The following OLA1 variants were observed in gnomAD, a reference collection of about 807,000 sequenced individuals.
The protein encoded by OLA1 is Obg like ATPase 1.
Under a neutral mutation model 48.4 loss-of-function variants are expected in OLA1, and 14 were observed. The observed-to-expected ratio is 0.29, with a 90% CI of 0.19 to 0.45. The LOEUF is 0.45. Ranked by LOEUF, OLA1 falls within the 20% of genes least tolerant of loss-of-function variation. OLA1 has a pLI of 1.00. For synonymous variants in OLA1, 127 were observed against 150.4 expected (o/e 0.84, Z 1.14); for missense variants, 325 against 467.1 (o/e 0.70, Z 2.80).
At chr2:174,082,094 T>C (rs1006768369) in intron 7 of OLA1, 30 bp from the exon 8 acceptor site, 4 of 1,609,412 alleles carry the variant, frequency 2.5e-6, no homozygotes, top group Non-Finnish European at 3.4e-6. Flanking sequence ...CAACATTATC[T>C]TGTAGTGCAT....
intron 7 of OLA1, among the ~76,000 whole-genome samples, chr2:174,096,782 G>A (rs1319418262): frequency 2.0e-5 from 3 of 152,196 alleles, no homozygotes; most frequent in African/African-American, 7.2e-5. Context: ...TGCTGTCAGT[G>A]AGTGGGTCAT....
intron 7 of OLA1, among the ~76,000 whole-genome samples, chr2:174,109,188 C>T (rs1472449808): frequency 6.6e-6 from 1 of 152,120 alleles, no homozygotes; most frequent in Non-Finnish European, 1.5e-5. Flanking sequence ...ATTAGCTAAG[C>T]CACACTCACA....
At chr2:174,134,683 A>C (rs73033828) in intron 5 of OLA1, among the ~76,000 whole-genome samples, 1 of 152,352 alleles carries the variant, frequency 6.6e-6, no homozygotes, top group African/African-American at 2.4e-5. Context: ...AAATGATGAA[A>C]AAGTTCTGAA....
intron 7 of OLA1, among the ~76,000 whole-genome samples, chr2:174,112,700 T>A (rs1685682006): frequency 6.6e-6 from 1 of 152,188 alleles, no homozygotes; most frequent in African/African-American, 2.4e-5. Flanking sequence ...CACTTTGCTC[T>A]CTGTCTCCCA....
intron 4 of OLA1, among the ~76,000 whole-genome samples, chr2:174,190,535 T>C (rs1322842952): frequency 6.6e-6 from 1 of 151,722 alleles, no homozygotes; most frequent in African/African-American, 2.4e-5. Flanking sequence ...ATATATTCTA[T>C]ATTTATATAT....
chr2:174,083,474 T>C (rs1383223145), intron 7 of OLA1, among the ~76,000 whole-genome samples: 1 of 152,130 alleles, frequency 6.6e-6, no homozygotes, highest in African/African-American at 2.4e-5. Flanking sequence ...TTCATAATAG[T>C]ATTTTTTCTT....
At position 174,141,928 on chromosome 2, in the gene OLA1, T is replaced by C. The variant is rs918175738; in HGVS notation, c.446A>G (p.His149Arg). 1 of 1,611,760 alleles carries C rather than the reference T, an allele frequency of 6.2e-7. No individual in the cohort carries two copies. Among genetic ancestry groups the C allele is most frequent in the South Asian group, 1.1e-5 (1 of 90,828 alleles). Residue 149 changes from histidine to arginine, a missense_variant, in exon 5 of 11, where the codon CAT becomes CGT. Coordinates refer to ENST00000284719, the MANE Select transcript of OLA1 (RefSeq NM_013341.5). ...VDPIRDIEII[H>R]EELQLKDEEM... Reference sequence around the variant, plus strand: ...CTCATCTTTAAGCTGAAGCTCTTCATGTATTATTTCTATATCTCGAATAGG... The same window carrying C: ...CTCATCTTTAAGCTGAAGCTCTTCACGTATTATTTCTATATCTCGAATAGG...
At chr2:174,129,103 C>G (rs1160230472) in intron 5 of OLA1, among the ~76,000 whole-genome samples, 1 of 152,024 alleles carries the variant, frequency 6.6e-6, no homozygotes, top group Non-Finnish European at 1.5e-5. Context: ...GAAAATAAAA[C>G]AAGAAAATAC....
At chr2:174,168,767 AT>A (rs1687228334) in intron 4 of OLA1, among the ~76,000 whole-genome samples, 1 of 122,462 alleles carries the variant, frequency 8.2e-6, no homozygotes, top group Non-Finnish European at 1.7e-5. Context: ...CTATCTATCT[AT>A]CTATCTATCT....
At chr2:174,165,069 T>G (rs1419915625) in intron 4 of OLA1, among the ~76,000 whole-genome samples, 1 of 152,218 alleles carries the variant, frequency 6.6e-6, no homozygotes, top group South Asian at 2.1e-4. Context: ...GTCAGTGCAC[T>G]GATCATGTAT....
chr2:174,163,779 TAA>T (rs1286688612), intron 4 of OLA1, among the ~76,000 whole-genome samples: 1 of 61,472 alleles, frequency 1.6e-5, no homozygotes, highest in Non-Finnish European at 4.1e-5. Context: ...TATATATAAA[TAA>T]ATGTTTGGGT....
At chr2:174,239,714 C>CAAAAAA (rs35332033) in intron 2 of OLA1, among the ~76,000 whole-genome samples, 1 of 60,616 alleles carries the variant, frequency 1.6e-5, no homozygotes, top group Non-Finnish European at 2.9e-5. Context: ...CCCATCTCTA[C>CAAAAAA]AAAAAAAAAA....
intron 5 of OLA1, 152 bp from the exon 6 acceptor site, chr2:174,123,827 TA>T: frequency 2.4e-6 from 1 of 410,198 alleles, no homozygotes; most frequent in Non-Finnish European, 4.3e-6. Context: ...ATATCTCATT[TA>T]AAAACCAATT....
At chr2:174,181,386 CTG>C (rs1687532892) in intron 4 of OLA1, among the ~76,000 whole-genome samples, 1 of 152,022 alleles carries the variant, frequency 6.6e-6, no homozygotes, top group Admixed American at 6.6e-5. Context: ...CCAAGGGACT[CTG>C]TTGTTTTGGT....
At chr2:174,231,045 A>T (rs1400227120) in intron 2 of OLA1, among the ~76,000 whole-genome samples, 2 of 152,234 alleles carry the variant, frequency 1.3e-5, no homozygotes, top group Admixed American at 6.5e-5. Context: ...AAACATTTGG[A>T]GGAAACTTGG....
intron 5 of OLA1, among the ~76,000 whole-genome samples, chr2:174,136,767 G>A (rs576782467): frequency 2.6e-5 from 4 of 151,846 alleles, no homozygotes; most frequent in Admixed American, 6.6e-5. Context: ...AGCCTCCCAG[G>A]TTCAAGCAAT....
chr2:174,194,002 G>A (rs978521374), intron 4 of OLA1, among the ~76,000 whole-genome samples: 18 of 152,202 alleles, frequency 1.2e-4, no homozygotes, highest in East Asian at 1.9e-4. Context: ...ACACACACAC[G>A]TGCACGCACT....
chr2:174,127,202 G>A (rs931822902), intron 5 of OLA1, among the ~76,000 whole-genome samples: 2 of 152,176 alleles, frequency 1.3e-5, no homozygotes, highest in Non-Finnish European at 2.9e-5. Flanking sequence ...GTAAGTGGCA[G>A]AGATGAGATT....
At chr2:174,109,229 G>C (rs527744805) in intron 7 of OLA1, among the ~76,000 whole-genome samples, 3 of 152,174 alleles carry the variant, frequency 2.0e-5, no homozygotes, top group African/African-American at 7.2e-5. Flanking sequence ...TGTTTAATCA[G>C]CATTGTTTTT....
Sources: gnomAD v4.1 joint callset for allele counts (sites outside exome capture counted in the v4.1 genomes callset) on GRCh38, gnomAD v4.1.1 for gene constraint, MANE v1.5 for transcripts, NCBI Gene and HGNC (gene_info 2026-07-23, HGNC 2026-07-21) for gene names.